Variants in BNC2 observed in about 807,000 individuals in gnomAD.
BNC2 encodes basonuclin zinc finger protein 2.
Under a neutral mutation model 76.3 loss-of-function variants are expected in BNC2, and 20 were observed. That is an observed-to-expected ratio of 0.26 (90% CI 0.18 to 0.38). The LOEUF is 0.38. Ranked by LOEUF, BNC2 falls within the 10% of genes least tolerant of loss-of-function variation. The probability of loss-of-function intolerance (pLI) is 1.00; values close to 1 mark genes in which losing one functional copy is unlikely to be tolerated. For synonymous variants in BNC2, 582 were observed against 514.8 expected (o/e 1.13, Z -1.77); for missense variants, 1,382 against 1,399.8 (o/e 0.99, Z 0.20).
At chr9:16,600,463 G>C (rs928498888) in intron 3 of BNC2, among the ~76,000 whole-genome samples, 10 of 152,232 alleles carry the variant, frequency 6.6e-5, no homozygotes, top group African/African-American at 2.4e-4. Context: ...AATTTTAAGT[G>C]GGTGTGTATT....
At position 16,419,632 on chromosome 9, in the gene BNC2, T is replaced by A; in HGVS notation, c.2657A>T (p.Asn886Ile). 2 of 1,381,690 alleles carry A rather than the reference T, an allele frequency of 1.4e-6. No homozygotes were observed. The highest frequency in any genetic ancestry group is 1.9e-6 in the Non-Finnish European group (2 of 1,039,056). 85.6% of individuals were successfully genotyped at this position (1,381,690 alleles called of 1,614,324 possible). ...RSRDRHSANI[N>I]LHRKLLTKEL... ...TTTGGTCAACAGTTTACGATGTAGG[T>A]TTATGTTGGCACTGTGTCTAGGAAA... The change falls in exon 7 of 7, where the codon AAC becomes ATC. Residue 886 changes from asparagine to isoleucine, a missense_variant. By Grantham distance (149) the Asn-to-Ile change is moderately radical (BLOSUM62 -3). Transcript: ENST00000380672.
intron 1 of BNC2, among the ~76,000 whole-genome samples, chr9:16,771,262 G>A (rs1476923309): frequency 2.0e-5 from 3 of 152,170 alleles, no homozygotes; most frequent in African/African-American, 4.8e-5. Flanking sequence ...TCTAACAGAC[G>A]TGAAAAAAGG....
At chr9:16,482,890 C>T (rs780162098) in intron 5 of BNC2, among the ~76,000 whole-genome samples, 3 of 152,298 alleles carry the variant, frequency 2.0e-5, no homozygotes, top group South Asian at 4.1e-4. Flanking sequence ...CGGGGCTTTC[C>T]GTGGCCAGCC....
At chr9:16,824,286 A>T (rs1372660189) in intron 1 of BNC2, among the ~76,000 whole-genome samples, 1 of 152,202 alleles carries the variant, frequency 6.6e-6, no homozygotes, top group African/African-American at 2.4e-5. Flanking sequence ...ATTTTATGAT[A>T]CAACACACAA....
At chr9:16,686,515 CTA>C (rs1438295152) in intron 3 of BNC2, among the ~76,000 whole-genome samples, 1 of 152,276 alleles carries the variant, frequency 6.6e-6, no homozygotes, top group African/African-American at 2.4e-5. Flanking sequence ...ATATATCTGT[CTA>C]TATGTCTCTA....
At chr9:16,690,735 T>C (rs1351198844) in intron 3 of BNC2, among the ~76,000 whole-genome samples, 2 of 152,136 alleles carry the variant, frequency 1.3e-5, no homozygotes, top group Non-Finnish European at 2.9e-5. Context: ...TCTGGAGTCA[T>C]CTCAGAGCAA....
intron 3 of BNC2, among the ~76,000 whole-genome samples, chr9:16,608,972 C>T (rs997928031): frequency 8.5e-5 from 13 of 152,242 alleles, no homozygotes; most frequent in African/African-American, 3.1e-4. Context: ...ACCTTGCCAA[C>T]CTAAGTTCAG....
chr9:16,623,908 T>C (rs1401880548), intron 3 of BNC2, among the ~76,000 whole-genome samples: 1 of 152,226 alleles, frequency 6.6e-6, no homozygotes, highest in Non-Finnish European at 1.5e-5. Flanking sequence ...CCTTGTTTAA[T>C]GTTTCTTAAA....
chr9:16,606,833 G>C (rs7873338), intron 3 of BNC2, among the ~76,000 whole-genome samples: 24,894 of 152,186 alleles, frequency 0.16, 4,157 homozygotes, highest in African/African-American at 0.43. Flanking sequence ...GCTGGGATTA[G>C]AGGTGTGAGC....
intron 3 of BNC2, chr9:16,699,106 T>C: frequency 2.2e-6 from 1 of 445,570 alleles, no homozygotes; most frequent in South Asian, 1.7e-5. Flanking sequence ...ATTTTGTTGT[T>C]GCTGTTCTGT....
intron 5 of BNC2, among the ~76,000 whole-genome samples, chr9:16,521,750 G>A (rs1360906489): frequency 6.6e-6 from 1 of 152,150 alleles, no homozygotes; most frequent in East Asian, 1.9e-4. Context: ...TCCATATCAT[G>A]TTAAATTGGA....
At chr9:16,868,138 G>A (rs935229484) in intron 1 of BNC2, 1 of 152,170 alleles carries the variant, frequency 6.6e-6, no homozygotes, top group Admixed American at 6.5e-5. Context: ...GACATGGCAA[G>A]ATGAAACGAG....
chr9:16,790,706 C>T (rs781781028), intron 1 of BNC2, among the ~76,000 whole-genome samples: 22 of 152,046 alleles, frequency 1.4e-4, no homozygotes, highest in Non-Finnish European at 2.6e-4. Flanking sequence ...TCCTTTTCAT[C>T]ACAACCACTT....
chr9:16,442,251 T>C (rs1243961800), intron 5 of BNC2, among the ~76,000 whole-genome samples: 2 of 152,196 alleles, frequency 1.3e-5, no homozygotes, highest in African/African-American at 4.8e-5. Flanking sequence ...CCAAATAATA[T>C]AGACTTATAA....
chr9:16,519,846 C>CT (rs1447532084), intron 5 of BNC2, among the ~76,000 whole-genome samples: 1 of 152,186 alleles, frequency 6.6e-6, no homozygotes, highest in Non-Finnish European at 1.5e-5. Context: ...ACACCAAAGA[C>CT]TGTGTTTGGC....
At chr9:16,491,225 C>G (rs1822273741) in intron 5 of BNC2, among the ~76,000 whole-genome samples, 1 of 151,914 alleles carries the variant, frequency 6.6e-6, no homozygotes, top group African/African-American at 2.4e-5. Context: ...GAGTGAACTG[C>G]TGAGAATGGG....
Position 16,684,215 on chromosome 9 carries a change from G to A in BNC2, c.330+43582C>T, listed in dbSNP as rs138432872. Among the ~76,000 whole-genome samples the A allele has an allele frequency of 3.7e-3, 563 of 152,192 alleles. 4 individuals are homozygous for A. The highest frequency in any genetic ancestry group is 0.013 in the African/African-American group (526 of 41,530). ...GACCATTCCAGGTGATGTGTTTGAA[G>A]AACATCACTCGTCCTACCCAAAAAA... On this transcript the variant is annotated intron_variant, in intron 3 of 6. Transcript: ENST00000380672.
intron 1 of BNC2, among the ~76,000 whole-genome samples, chr9:16,777,023 G>C (rs1034540124): frequency 1.3e-5 from 2 of 152,246 alleles, no homozygotes; most frequent in Admixed American, 6.5e-5. Flanking sequence ...CTACTCAGTA[G>C]GTTGAGGCAA....
chr9:16,471,100 G>T (rs563609786), intron 5 of BNC2, among the ~76,000 whole-genome samples: 4 of 152,166 alleles, frequency 2.6e-5, no homozygotes, highest in Non-Finnish European at 5.9e-5. Context: ...TTACATCAGC[G>T]TGATGTGGAT....
Sources: allele counts gnomAD v4.1 joint callset (sites outside exome capture counted in the v4.1 genomes callset), GRCh38; gene constraint gnomAD v4.1.1; transcripts MANE v1.5; gene names NCBI Gene and HGNC (gene_info 2026-07-23, HGNC 2026-07-21).